Variants in CATSPERT observed in about 807,000 individuals in gnomAD.
The protein encoded by CATSPERT is catsper channel auxiliary subunit tau, also known as cation channel sperm-associated targeting subunit tau.
the CATSPERT span, among the ~76,000 whole-genome samples, chr2:201,505,265 T>A: frequency 6.6e-6 from 1 of 152,120 alleles, no homozygotes; most frequent in Non-Finnish European, 1.5e-5. Context: ...GTATTTTTAG[T>A]AGAGGAGGTT....
At chr2:201,487,479 G>T in the CATSPERT span, 1 of 819,420 alleles carries the variant, frequency 1.2e-6, no homozygotes, top group Non-Finnish European at 1.9e-6. Flanking sequence ...AAATTTGGTT[G>T]CTGACTTCTG....
the CATSPERT span, among the ~76,000 whole-genome samples, chr2:201,591,181 C>A: frequency 3.3e-5 from 5 of 152,156 alleles, no homozygotes; most frequent in African/African-American, 1.2e-4. Flanking sequence ...AGGAAGGGAT[C>A]CAGTTTCAGC....
the CATSPERT span, among the ~76,000 whole-genome samples, chr2:201,541,100 A>G: frequency 3.3e-5 from 5 of 152,216 alleles, no homozygotes; most frequent in African/African-American, 1.2e-4. Flanking sequence ...GTAAACTGCT[A>G]CAATCTCATT....
At chr2:201,611,706 AAC>A in the CATSPERT span, among the ~76,000 whole-genome samples, 1 of 151,876 alleles carries the variant, frequency 6.6e-6, no homozygotes, top group Admixed American at 6.6e-5. Flanking sequence ...TCAAAAAAAA[AAC>A]AACTGTTGAA....
chr2:201,558,672 T>C, the CATSPERT span, among the ~76,000 whole-genome samples: 63,447 of 152,108 alleles, frequency 0.42, 13,935 homozygotes, highest in East Asian at 0.75. Flanking sequence ...TGTTAAGAGA[T>C]GCTGGGAATT....
At chr2:201,553,650 A>G in the CATSPERT span, 1 of 152,194 alleles carries the variant, frequency 6.6e-6, no homozygotes, top group African/African-American at 2.4e-5. Flanking sequence ...TGTACAACTG[A>G]CTTCCAATCA....
At chr2:201,494,993 T>C in the CATSPERT span, among the ~76,000 whole-genome samples, 3 of 152,150 alleles carry the variant, frequency 2.0e-5, no homozygotes, top group Non-Finnish European at 4.4e-5. Flanking sequence ...CAAGTGCTTT[T>C]TGCTACTTGG....
chr2:201,565,012 G>T, the CATSPERT span, among the ~76,000 whole-genome samples: 2 of 123,908 alleles, frequency 1.6e-5, no homozygotes, highest in Middle Eastern at 4.2e-3. Flanking sequence ...TTTAATGGCA[G>T]AATAGAAACA....
the CATSPERT span, among the ~76,000 whole-genome samples, chr2:201,590,206 A>G: frequency 1.3e-5 from 2 of 151,330 alleles, no homozygotes; most frequent in African/African-American, 4.9e-5. Flanking sequence ...TCATTGTTCA[A>G]TTCCCACCTA....
the CATSPERT span, among the ~76,000 whole-genome samples, chr2:201,608,734 C>T: frequency 2.8e-4 from 42 of 151,592 alleles, no homozygotes; most frequent in African/African-American, 9.4e-4. Context: ...GGAGGATCAC[C>T]TGAGCCCAGG....
the CATSPERT span, among the ~76,000 whole-genome samples, chr2:201,507,103 G>A: frequency 1.3e-5 from 2 of 152,130 alleles, no homozygotes; most frequent in African/African-American, 4.8e-5. Context: ...CTTAATGGAT[G>A]ACATGATCAC....
the CATSPERT span, among the ~76,000 whole-genome samples, chr2:201,504,447 C>T: frequency 9.2e-5 from 14 of 152,270 alleles, no homozygotes; most frequent in South Asian, 1.2e-3. Flanking sequence ...CTCAAGATGG[C>T]GGCCAGAGAT....
the CATSPERT span, chr2:201,550,556 A>G: frequency 6.6e-6 from 1 of 151,612 alleles, no homozygotes; most frequent in Admixed American, 6.6e-5. Flanking sequence ...CATTACTCCC[A>G]CAATAATAGG....
the CATSPERT span, among the ~76,000 whole-genome samples, chr2:201,529,649 T>C: frequency 6.6e-6 from 1 of 152,072 alleles, no homozygotes; most frequent in Non-Finnish European, 1.5e-5. Flanking sequence ...ATTGTAAAGT[T>C]AATAGAGGAA....
chr2:201,595,664 G>A, the CATSPERT span, among the ~76,000 whole-genome samples: 132,123 of 150,876 alleles, frequency 0.88, 58,882 homozygotes, highest in South Asian at 0.98. Context: ...CTCCAGCTGC[G>A]TGCTGGGAGA....
the CATSPERT span, among the ~76,000 whole-genome samples, chr2:201,506,842 C>T: frequency 3.9e-5 from 6 of 152,150 alleles, no homozygotes; most frequent in Admixed American, 6.5e-5. Context: ...CGTGAGCCAC[C>T]GCGCCCAGCC....
At chr2:201,491,061 G>T in the CATSPERT span, 1 of 946,982 alleles carries the variant, frequency 1.1e-6, no homozygotes, top group Non-Finnish European at 1.5e-6. Flanking sequence ...TGTATGTCTT[G>T]GGGGTAATTA....
the CATSPERT span, among the ~76,000 whole-genome samples, chr2:201,581,573 TATATATATATATATATATATAC>T: frequency 1.9e-4 from 15 of 78,150 alleles, 2 homozygotes; most frequent in African/African-American, 4.5e-4. Flanking sequence ...TATATATATA[TATATATATATATATATATATAC>T]ACATACATAT....
chr2:201,604,286 G>A, the CATSPERT span, among the ~76,000 whole-genome samples: 3 of 152,006 alleles, frequency 2.0e-5, no homozygotes, highest in East Asian at 5.8e-4. Context: ...CACTTTAAGA[G>A]CTCAGTAAAA....
Sources: allele counts gnomAD v4.1 joint callset (sites outside exome capture counted in the v4.1 genomes callset), GRCh38; gene constraint gnomAD v4.1.1; transcripts MANE v1.5; gene names NCBI Gene and HGNC (gene_info 2026-07-23, HGNC 2026-07-21).